Variants in MCPH1 observed in about 807,000 individuals in gnomAD.
MCPH1 encodes microcephalin 1, also known as microcephalin.
A neutral mutation model predicts 84.5 loss-of-function variants in MCPH1; 104 were observed. The observed-to-expected ratio is 1.23, with a 90% CI of 1.05 to 1.45. MCPH1 has a LOEUF of 1.45. Ranked by LOEUF, MCPH1 falls within the 40% of genes most tolerant of loss-of-function variation. The pLI is 0.00. For missense variants in MCPH1, 1,498 were observed against 1,005.7 expected (o/e 1.49, Z -6.62); for synonymous variants, 514 against 366.8 (o/e 1.40, Z -4.58).
At chr8:6,431,918 G>A (rs989154817) in intron 4 of MCPH1, among the ~76,000 whole-genome samples, 1 of 152,184 alleles carries the variant, frequency 6.6e-6, no homozygotes, top group Non-Finnish European at 1.5e-5. Context: ...CCTGCATTCT[G>A]TTTAGCCAGA....
At chr8:6,484,264 A>C (rs1032109314) in intron 11 of MCPH1, among the ~76,000 whole-genome samples, 6 of 152,254 alleles carry the variant, frequency 3.9e-5, no homozygotes, top group Non-Finnish European at 7.3e-5. Context: ...TTGAATAGAC[A>C]GTTTACTGAG....
At chr8:6,470,277 G>GT (rs577582322) in intron 9 of MCPH1, among the ~76,000 whole-genome samples, 2 of 151,636 alleles carry the variant, frequency 1.3e-5, no homozygotes, top group African/African-American at 4.8e-5. Context: ...ATACTTTGGG[G>GT]TTTTTTTTAT....
chr8:6,406,978 T>G, intron 1 of MCPH1: 2 of 393,906 alleles, frequency 5.1e-6, no homozygotes. Flanking sequence ...TCCTCCCCCG[T>G]ACTGCTTGTG....
chr8:6,565,209 G>A (rs1182765327), intron 12 of MCPH1, among the ~76,000 whole-genome samples: 1 of 152,144 alleles, frequency 6.6e-6, no homozygotes, highest in Non-Finnish European at 1.5e-5. Flanking sequence ...AGGGTTTTTA[G>A]GATTAAGATA....
At chr8:6,620,916 G>C (rs1294316890) in intron 12 of MCPH1, 4 of 170,696 alleles carry the variant, frequency 2.3e-5, no homozygotes, top group African/African-American at 9.6e-5. Context: ...AATGGCTCTA[G>C]GAATTCTACT....
At chr8:6,638,868 T>G (rs1797741714) in intron 13 of MCPH1, among the ~76,000 whole-genome samples, 1 of 152,200 alleles carries the variant, frequency 6.6e-6, no homozygotes, top group Non-Finnish European at 1.5e-5. Context: ...GACATGACCC[T>G]GGAGCTGTCG....
intron 3 of MCPH1, among the ~76,000 whole-genome samples, chr8:6,422,683 G>T (rs982500408): frequency 6.6e-5 from 10 of 152,076 alleles, no homozygotes; most frequent in African/African-American, 2.4e-4. Flanking sequence ...TTATCCAAAA[G>T]CAAAGTTTTC....
chr8:6,444,732 C>G lies in MCPH1; in HGVS notation c.1010C>G (p.Ser337Cys), dbSNP rs777645060. 3.7e-6 allele frequency: 6 copies of G among 1,613,918 alleles called. No homozygotes were observed. The highest frequency in any genetic ancestry group is 3.3e-5 in the Admixed American group (2 of 59,994). Reference protein sequence around the residue: ...EEKYRLSPTLSSTKGHLLIHS... With the variant: ...EEKYRLSPTLCSTKGHLLIHS... ...AAGTATCGTTTGTCTCCTACCTTAT[C>G]TTCAACAAAAGGCCACCTTTTGATA... The change falls in exon 8 of 14, where the codon TCT (serine) becomes TGT (cysteine). Residue 337 changes from serine (S) to cysteine (C), a missense_variant. Physicochemically the swap from Ser to Cys is moderately radical, Grantham distance 112. Coordinates refer to ENST00000344683, the MANE Select transcript of MCPH1 (RefSeq NM_024596.5).
rs529916585 is a variant in MCPH1, at chr8:6,564,060, C to T, written c.2215-57394C>T. 2.0e-5 allele frequency among the ~76,000 whole-genome samples: 3 copies of T among 147,064 alleles called. No individual in the cohort carries two copies. In the Admixed American group the frequency reaches 2.1e-4, roughly 10 times the overall value. On this transcript the variant is annotated intron_variant, in intron 12 of 13. Coordinates refer to ENST00000344683, the MANE Select transcript of MCPH1 (RefSeq NM_024596.5). ...GCAGTGGGGCAATGTTGGCTCACTG[C>T]AACCTCCGCCTTCCGGGTTCAAGTG...
At chr8:6,519,922 C>G (rs774544582) in intron 12 of MCPH1, 5 of 1,612,916 alleles carry the variant, frequency 3.1e-6, no homozygotes, top group African/African-American at 2.7e-5. Context: ...CGTGGTGTGT[C>G]CTGATTTGAA....
intron 12 of MCPH1, chr8:6,527,478 A>G: frequency 2.6e-6 from 4 of 1,528,936 alleles, no homozygotes; most frequent in Non-Finnish European, 3.6e-6. Flanking sequence ...CATTCTGATA[A>G]TTCATCATTT....
intron 13 of MCPH1, among the ~76,000 whole-genome samples, chr8:6,642,395 G>C (rs1459906155): frequency 6.6e-6 from 1 of 152,132 alleles, no homozygotes; most frequent in Admixed American, 6.6e-5. Context: ...GCTATCCTGG[G>C]CCAGGCGCAA....
At position 6,642,802 on chromosome 8, in the gene MCPH1, T is replaced by G. The variant is rs187728969; in HGVS notation, c.2453-192T>G. The stretch of plus-strand genomic sequence containing the variant: ...CCAGTGTGACTGAGAACTGAATGTT[T>G]CATTGTATTGAATTTCGTTTCACGT... On this transcript the variant is annotated intron_variant, in intron 13 of 13. Transcript: ENST00000344683. 2.3e-5 allele frequency: 15 copies of G among 648,866 alleles called. No individual in the cohort carries two copies. In the Admixed American group the frequency reaches 2.4e-4, roughly 10 times the overall value. The allele number at this position is 648,866 out of a possible 1,614,324, so 40.2% of individuals were successfully genotyped here.
intron 12 of MCPH1, chr8:6,616,720 C>T (rs1830825158): frequency 1.3e-5 from 2 of 152,242 alleles, no homozygotes; most frequent in Admixed American, 6.5e-5. Flanking sequence ...CATTTTATGT[C>T]ACCATTAGCA....
At chr8:6,433,982 C>T (rs1440222731) in intron 4 of MCPH1, among the ~76,000 whole-genome samples, 3 of 152,136 alleles carry the variant, frequency 2.0e-5, no homozygotes, top group Non-Finnish European at 4.4e-5. Context: ...CTGGAACATT[C>T]TTCCCCCAAA....
At chr8:6,586,985 G>T (rs753695841) in intron 12 of MCPH1, among the ~76,000 whole-genome samples, 70 of 152,088 alleles carry the variant, frequency 4.6e-4, no homozygotes, top group Non-Finnish European at 3.5e-4. Context: ...CAGGCAGCCT[G>T]CAGGCCGCAG....
At chr8:6,412,489 G>T (rs1372674674) in intron 2 of MCPH1, among the ~76,000 whole-genome samples, 1 of 152,166 alleles carries the variant, frequency 6.6e-6, no homozygotes, top group Non-Finnish European at 1.5e-5. Flanking sequence ...CGTAATCCGG[G>T]ATTATCTTAA....
At chr8:6,575,783 G>C (rs1586684481) in intron 12 of MCPH1, among the ~76,000 whole-genome samples, 1 of 152,166 alleles carries the variant, frequency 6.6e-6, no homozygotes, top group East Asian at 1.9e-4. Context: ...GACAGATACA[G>C]GAGGAACGCC....
intron 12 of MCPH1, among the ~76,000 whole-genome samples, chr8:6,542,291 GGT>G (rs59101845): frequency 0.04 from 6,048 of 149,372 alleles, 316 homozygotes; most frequent in African/African-American, 0.12. Flanking sequence ...GTGAGGTAGG[GGT>G]GTGTGTGTGT....
Sources: allele counts gnomAD v4.1 joint callset (sites outside exome capture counted in the v4.1 genomes callset), GRCh38; gene constraint gnomAD v4.1.1; transcripts MANE v1.5; gene names NCBI Gene and HGNC (gene_info 2026-07-23, HGNC 2026-07-21).